SLC39A11: variants seen among roughly 807,000 people sequenced by gnomAD.
SLC39A11 encodes solute carrier family 39 member 11.
A neutral mutation model predicts 36.1 loss-of-function variants in SLC39A11; 33 were observed. The ratio of observed to expected loss-of-function variants is 0.91; its 90% CI spans 0.69 to 1.22. SLC39A11 has a LOEUF of 1.22. SLC39A11 is among the 50% of genes most tolerant of loss of function. SLC39A11 has a pLI of 0.00. For synonymous variants in SLC39A11, 166 were observed against 170.3 expected (o/e 0.97, Z 0.20); for missense variants, 432 against 430.3 (o/e 1.00, Z -0.03).
At position 72,649,248 on chromosome 17, in the gene SLC39A11, C is replaced by T; in HGVS notation, c.692G>A (p.Gly231Glu). 6.2e-7 allele frequency: 1 copy of T among 1,614,198 alleles called. No homozygotes were observed. The highest frequency in any genetic ancestry group is 8.5e-7 in the Non-Finnish European group (1 of 1,180,032). ...CAGGCCCTCGGGGAAATTCTGGATC[C>T]CGATTCCAATGGCCAAATTCCTGAA... ...ESARNLAIGIGIQNFPEGLAV... is the reference protein window; with the variant it reads ...ESARNLAIGIEIQNFPEGLAV... The change falls in exon 8 of 10, where the codon GGG (glycine) becomes GAG (glutamate). Residue 231 changes from glycine to glutamate, a missense_variant. Transcript: ENST00000255559.
At chr17:73,011,042 C>G (rs2090480392) in intron 4 of SLC39A11, among the ~76,000 whole-genome samples, 1 of 149,520 alleles carries the variant, frequency 6.7e-6, no homozygotes, top group Admixed American at 6.9e-5. Context: ...AGACATGACC[C>G]ATCTGTGCCC....
At chr17:72,729,405 T>TTATATATATATA (rs1162603035) in intron 7 of SLC39A11, among the ~76,000 whole-genome samples, 6 of 29,242 alleles carry the variant, frequency 2.1e-4, no homozygotes, top group South Asian at 1.9e-3. Flanking sequence ...ACCTGGCTAT[T>TTATATATATATA]TATATATATA....
At chr17:72,983,985 G>C (rs2088525845) in intron 4 of SLC39A11, among the ~76,000 whole-genome samples, 1 of 152,138 alleles carries the variant, frequency 6.6e-6, no homozygotes, top group African/African-American at 2.4e-5. Flanking sequence ...GTGCTGTTCA[G>C]GGGGGTGGCA....
intron 4 of SLC39A11, among the ~76,000 whole-genome samples, chr17:72,977,367 C>T (rs1377891586): frequency 2.6e-5 from 4 of 152,200 alleles, no homozygotes; most frequent in East Asian, 3.9e-4. Flanking sequence ...GACCCACCCA[C>T]GTGCTCCCAA....
At chr17:72,914,566 G>T (rs2083225947) in intron 5 of SLC39A11, among the ~76,000 whole-genome samples, 1 of 152,004 alleles carries the variant, frequency 6.6e-6, no homozygotes, top group South Asian at 2.1e-4. Flanking sequence ...TACCCCATAG[G>T]TACTGAGGGA....
At chr17:72,866,425 A>G (rs1205585150) in intron 5 of SLC39A11, among the ~76,000 whole-genome samples, 2 of 152,244 alleles carry the variant, frequency 1.3e-5, no homozygotes, top group Non-Finnish European at 2.9e-5. Context: ...AATAAAGTAC[A>G]CAATAAATGT....
At chr17:72,688,048 C>T (rs2071839762) in intron 7 of SLC39A11, among the ~76,000 whole-genome samples, 1 of 152,138 alleles carries the variant, frequency 6.6e-6, no homozygotes, top group South Asian at 2.1e-4. Flanking sequence ...GGAAAGAACC[C>T]AGCAGCTCTG....
At chr17:72,959,363 A>ATG (rs1443353183) in intron 4 of SLC39A11, among the ~76,000 whole-genome samples, 1 of 139,550 alleles carries the variant, frequency 7.2e-6, no homozygotes, top group African/African-American at 2.6e-5. Context: ...ATATATATAT[A>ATG]TATGATCGAA....
At chr17:73,089,773 C>T (rs889480147) in intron 1 of SLC39A11, 1 of 152,212 alleles carries the variant, frequency 6.6e-6, no homozygotes, top group African/African-American at 2.4e-5. Flanking sequence ...GTCCCCTGGT[C>T]AACTCAGCAC....
intron 3 of SLC39A11, among the ~76,000 whole-genome samples, chr17:73,078,273 A>G (rs1949537888): frequency 6.6e-6 from 1 of 151,688 alleles, no homozygotes; most frequent in African/African-American, 2.4e-5. Flanking sequence ...TTGAAAAACT[A>G]GGTGCCCCAT....
At chr17:72,802,679 G>A (rs1055727368) in intron 6 of SLC39A11, among the ~76,000 whole-genome samples, 1 of 152,076 alleles carries the variant, frequency 6.6e-6, no homozygotes, top group African/African-American at 2.4e-5. Flanking sequence ...AATACTAAGG[G>A]AGGCATGTGT....
intron 5 of SLC39A11, among the ~76,000 whole-genome samples, chr17:72,865,304 C>T (rs955655437): frequency 6.6e-6 from 1 of 151,650 alleles, no homozygotes; most frequent in East Asian, 1.9e-4. Context: ...TGGAATTCTG[C>T]CCCTATGCAG....
At chr17:73,081,141 C>G (rs2060496819) in intron 3 of SLC39A11, among the ~76,000 whole-genome samples, 1 of 151,758 alleles carries the variant, frequency 6.6e-6, no homozygotes, top group African/African-American at 2.4e-5. Context: ...ACAAACAATC[C>G]CATCAACAAG....
chr17:72,779,592 T>C (rs1326435305), intron 6 of SLC39A11, among the ~76,000 whole-genome samples: 1 of 152,100 alleles, frequency 6.6e-6, no homozygotes, highest in African/African-American at 2.4e-5. Context: ...AACCCATCGC[T>C]CTCTTTGTTA....
chr17:72,955,932 C>A (rs1034506376), intron 4 of SLC39A11, among the ~76,000 whole-genome samples: 1 of 152,066 alleles, frequency 6.6e-6, no homozygotes, highest in Admixed American at 6.5e-5. Flanking sequence ...GCCGTCTATC[C>A]TCTTGATGAT....
chr17:72,884,360 G>A (rs146968551), intron 5 of SLC39A11, among the ~76,000 whole-genome samples: 86 of 152,306 alleles, frequency 5.6e-4, no homozygotes, highest in Non-Finnish European at 1.0e-3. Flanking sequence ...TCCTCAGAGC[G>A]TTCATCCCTT....
chr17:72,909,734 CTTT>C (rs147532192), intron 5 of SLC39A11, among the ~76,000 whole-genome samples: 2,581 of 134,402 alleles, frequency 0.019, 59 homozygotes, highest in African/African-American at 0.066. Flanking sequence ...GTCTTTCTTT[CTTT>C]TTTTTCTTTT....
At chr17:72,749,489 G>A (rs2075067854) in intron 6 of SLC39A11, among the ~76,000 whole-genome samples, 2 of 152,234 alleles carry the variant, frequency 1.3e-5, no homozygotes, top group African/African-American at 4.8e-5. Context: ...TTAGAAAGCA[G>A]GGACAACCTA....
chr17:73,086,028 T>C lies in SLC39A11; in HGVS notation c.109-1182A>G, dbSNP rs141645744. Reference sequence around the variant, plus strand: ...CAGATGCAGAACAGTACGTACTATATGATTACTCCATCTAAATAAAGCACA... The same window carrying C: ...CAGATGCAGAACAGTACGTACTATACGATTACTCCATCTAAATAAAGCACA... On this transcript the variant is annotated intron_variant, in intron 2 of 9. Coordinates refer to ENST00000255559, the MANE Select transcript of SLC39A11 (RefSeq NM_139177.4). Among the ~76,000 whole-genome samples the C allele has an allele frequency of 7.7e-3, 1,168 of 152,286 alleles. 16 individuals carry two copies. Among genetic ancestry groups the C allele is most frequent in the African/African-American group, 0.025 (1,056 of 41,538 alleles).
Sources: allele counts gnomAD v4.1 joint callset (sites outside exome capture counted in the v4.1 genomes callset), GRCh38; gene constraint gnomAD v4.1.1; transcripts MANE v1.5; gene names NCBI Gene and HGNC (gene_info 2026-07-23, HGNC 2026-07-21).